The following CREBBP variants were observed in gnomAD, a reference collection of about 807,000 sequenced individuals.
CREBBP encodes CREB-binding protein.
CREBBP carries 19 observed loss-of-function variants against 265.0 expected under a neutral mutation model. The ratio of observed to expected loss-of-function variants is 0.07; its 90% CI spans 0.05 to 0.11. CREBBP has a LOEUF of 0.11. Ranked by LOEUF, CREBBP falls within the 10% of genes least tolerant of loss-of-function variation. The pLI is 1.00. For synonymous variants in CREBBP, 1,457 were observed against 1,223.7 expected (o/e 1.19, Z -3.98); for missense variants, 2,525 against 3,219.0 (o/e 0.78, Z 5.22).
At chr16:3,755,680 A>C (rs780182273) in intron 19 of CREBBP, among the ~76,000 whole-genome samples, 3 of 152,188 alleles carry the variant, frequency 2.0e-5, no homozygotes, top group Non-Finnish European at 4.4e-5. Context: ...GCAAGTCACT[A>C]TGGGAGAGAT....
At chr16:3,821,685 G>A (rs1374198078) in intron 2 of CREBBP, among the ~76,000 whole-genome samples, 1 of 151,842 alleles carries the variant, frequency 6.6e-6, no homozygotes. Flanking sequence ...GGAAAAAGAG[G>A]AAAAAAGAAG....
intron 20 of CREBBP, 135 bp downstream of exon 20, chr16:3,751,590 CA>C: frequency 1.2e-6 from 1 of 865,746 alleles, no homozygotes. Context: ...GAACCTGTCT[CA>C]AAAACAAAAA....
At chr16:3,831,437 T>A (rs1465322122) in intron 2 of CREBBP, among the ~76,000 whole-genome samples, 1 of 152,174 alleles carries the variant, frequency 6.6e-6, no homozygotes, top group Non-Finnish European at 1.5e-5. Context: ...GCATAGGGTT[T>A]AAGGAGAAAT....
intron 2 of CREBBP, among the ~76,000 whole-genome samples, chr16:3,832,556 T>G (rs1487108659): frequency 1.3e-5 from 2 of 152,216 alleles, no homozygotes; most frequent in South Asian, 2.1e-4. Flanking sequence ...CTGTATGGTA[T>G]AGCCCACTGC....
chr16:3,810,819 G>C (rs763905346), intron 2 of CREBBP, 40 bp from the exon 3 acceptor site: 2 of 1,604,362 alleles, frequency 1.2e-6, no homozygotes, highest in Non-Finnish European at 1.7e-6. Flanking sequence ...TGGTGACGCA[G>C]TCAATATAAA....
At chr16:3,745,083 G>A (rs1444468580) in intron 22 of CREBBP, 122 bp from the exon 23 acceptor site, 29 of 917,506 alleles carry the variant, frequency 3.2e-5, no homozygotes, top group Non-Finnish European at 4.7e-5. Flanking sequence ...ATTAAAGAGT[G>A]AAGAGGCAGA....
intron 21 of CREBBP, 35 bp from the exon 22 acceptor site, chr16:3,745,389 C>G (rs111293265): frequency 6.3e-7 from 1 of 1,597,106 alleles, no homozygotes; most frequent in South Asian, 1.1e-5. Flanking sequence ...TTAAAGCACA[C>G]GGAACCACAA....
At chr16:3,872,053 G>A (rs2055310478) in intron 1 of CREBBP, among the ~76,000 whole-genome samples, 1 of 152,104 alleles carries the variant, frequency 6.6e-6, no homozygotes. Context: ...AAACACCGGG[G>A]AAAATGTCAC....
At chr16:3,873,574 T>G (rs556055066) in intron 1 of CREBBP, among the ~76,000 whole-genome samples, 2 of 152,284 alleles carry the variant, frequency 1.3e-5, no homozygotes, top group East Asian at 3.9e-4. Flanking sequence ...ACGTCCCTGG[T>G]TAACGCTAGT....
intron 15 of CREBBP, 77 bp from the exon 16 acceptor site, chr16:3,767,986 C>T (rs560397572): frequency 7.1e-7 from 1 of 1,416,718 alleles, no homozygotes; most frequent in Non-Finnish European, 9.9e-7. Context: ...AAGACTCTTA[C>T]AAGCCTAAAA....
At chr16:3,877,420 G>A (rs541486949) in intron 1 of CREBBP, among the ~76,000 whole-genome samples, 1 of 152,202 alleles carries the variant, frequency 6.6e-6, no homozygotes, top group African/African-American at 2.4e-5. Flanking sequence ...CGTTTCTTTT[G>A]GAGACAGCGT....
intron 1 of CREBBP, among the ~76,000 whole-genome samples, chr16:3,855,540 C>T (rs1033507841): frequency 1.3e-5 from 2 of 152,234 alleles, no homozygotes; most frequent in African/African-American, 2.4e-5. Flanking sequence ...GCTAGGATTA[C>T]AGGCGTGAGC....
chr16:3,875,537 G>C (rs1178052557), intron 1 of CREBBP, among the ~76,000 whole-genome samples: 3 of 152,158 alleles, frequency 2.0e-5, no homozygotes, highest in Non-Finnish European at 4.4e-5. Context: ...ACTCCTGGCT[G>C]CCCCCACCAC....
intron 5 of CREBBP, among the ~76,000 whole-genome samples, chr16:3,789,977 T>G (rs764540071): frequency 6.6e-6 from 1 of 151,982 alleles, no homozygotes; most frequent in Non-Finnish European, 1.5e-5. Flanking sequence ...TTTACAACTG[T>G]CATGGTAGTA....
chr16:3,736,966 C>A (rs2052077306), intron 26 of CREBBP, 151 bp from the exon 27 acceptor site: 1 of 951,650 alleles, frequency 1.1e-6, no homozygotes, highest in Admixed American at 2.0e-5. Flanking sequence ...GTGGTGGGGG[C>A]AAGGCTCGAA....
At chr16:3,873,250 C>T (rs2141592492) in intron 1 of CREBBP, among the ~76,000 whole-genome samples, 1 of 152,278 alleles carries the variant, frequency 6.6e-6, no homozygotes, top group African/African-American at 2.4e-5. Flanking sequence ...CAGTGTACAT[C>T]CTGATTTGAT....
intron 10 of CREBBP, 144 bp downstream of exon 10, chr16:3,777,867 G>A: frequency 8.9e-7 from 1 of 1,123,938 alleles, no homozygotes; most frequent in Admixed American, 1.8e-5. Context: ...CCTGAGGCAG[G>A]TGGTCAGGGC....
At chr16:3,864,804 C>A (rs1274876406) in intron 1 of CREBBP, among the ~76,000 whole-genome samples, 1 of 152,356 alleles carries the variant, frequency 6.6e-6, no homozygotes, top group Non-Finnish European at 1.5e-5. Context: ...TGGTGGTTCA[C>A]ACCTGTAATC....
chr16:3,860,020 G>C (rs2055040847), intron 1 of CREBBP, among the ~76,000 whole-genome samples: 1 of 152,142 alleles, frequency 6.6e-6, no homozygotes, highest in African/African-American at 2.4e-5. Flanking sequence ...AAATGGTGGG[G>C]GGCGGGGGCA....
Sources: gnomAD v4.1 joint callset for allele counts (sites outside exome capture counted in the v4.1 genomes callset) on GRCh38, gnomAD v4.1.1 for gene constraint, MANE v1.5 for transcripts, NCBI Gene and HGNC (gene_info 2026-07-23, HGNC 2026-07-21) for gene names.